Variants in DLGAP1 observed in about 807,000 individuals in gnomAD.
DLGAP1 encodes disks large-associated protein 1.
A neutral mutation model predicts 90.8 loss-of-function variants in DLGAP1; 11 were observed. That is an observed-to-expected ratio of 0.12 (90% CI 0.08 to 0.20). The LOEUF (loss-of-function observed/expected upper bound fraction) is 0.20. DLGAP1 is among the 10% of genes least tolerant of loss of function. The probability of loss-of-function intolerance (pLI) is 1.00; values close to 1 mark genes in which losing one functional copy is unlikely to be tolerated. For missense variants in DLGAP1, 1,050 were observed against 1,333.8 expected, an observed-to-expected ratio of 0.79 and a Z score of 3.31; for synonymous variants, 558 against 540.7, an observed-to-expected ratio of 1.03 and a Z score of -0.44.
At chr18:4,166,957 T>C (rs2076943679) in intron 1 of DLGAP1, among the ~76,000 whole-genome samples, 2 of 152,174 alleles carry the variant, frequency 1.3e-5, no homozygotes, top group African/African-American at 4.8e-5. Flanking sequence ...TAGATAATGT[T>C]TGCATAATAA....
intron 1 of DLGAP1, among the ~76,000 whole-genome samples, chr18:4,249,612 G>A (rs1297530482): frequency 6.6e-6 from 1 of 152,100 alleles, no homozygotes; most frequent in Non-Finnish European, 1.5e-5. Flanking sequence ...TTTTGAGACA[G>A]GGTCTCACTC....
chr18:3,943,334 G>C (rs546742184), intron 3 of DLGAP1, among the ~76,000 whole-genome samples: 1 of 152,122 alleles, frequency 6.6e-6, no homozygotes, highest in East Asian at 1.9e-4. Context: ...GCCAGGCTTT[G>C]CTGACTTATT....
intron 7 of DLGAP1, among the ~76,000 whole-genome samples, chr18:3,618,511 C>A (rs938241648): frequency 1.3e-5 from 2 of 151,010 alleles, no homozygotes; most frequent in African/African-American, 4.9e-5. Context: ...AAATAAATAA[C>A]CTGCAGGGAG....
chr18:3,903,323 A>G (rs2071825518), intron 3 of DLGAP1, among the ~76,000 whole-genome samples: 2 of 152,240 alleles, frequency 1.3e-5, no homozygotes, highest in African/African-American at 4.8e-5. Flanking sequence ...ATTAGATCAC[A>G]GAAACCTACC....
chr18:3,922,146 A>T (rs1040574191), intron 3 of DLGAP1, among the ~76,000 whole-genome samples: 9 of 152,210 alleles, frequency 5.9e-5, no homozygotes, highest in African/African-American at 2.2e-4. Context: ...CCAAAAAAGA[A>T]CATTTAATTT....
chr18:4,259,389 G>C (rs1299630063), intron 1 of DLGAP1, among the ~76,000 whole-genome samples: 2 of 152,332 alleles, frequency 1.3e-5, no homozygotes, highest in East Asian at 3.9e-4. Context: ...AATTAGACTT[G>C]TGCCTAACTC....
intron 10 of DLGAP1, among the ~76,000 whole-genome samples, chr18:3,511,783 A>G (rs1168931863): frequency 3.3e-5 from 5 of 152,168 alleles, no homozygotes; most frequent in African/African-American, 4.8e-5. Context: ...GAAGCCCTAC[A>G]GATAAAATAT....
chr18:4,342,113 A>G lies in DLGAP1; in HGVS notation c.-267+112893T>C, dbSNP rs2081203061. On this transcript the variant is annotated intron_variant, in intron 1 of 12. Transcript: ENST00000315677. This position sits in a 1 kb window ranked among gnomAD's most constrained non-coding sequence, Gnocchi z 5.8. ...AAATGTTCCTTCCCTTCCCAAATCC[A>G]TAGAATTTTAAAAGACACAAGATTC... Among the ~76,000 whole-genome samples the G allele has an allele frequency of 6.6e-6, 1 of 152,150 alleles. No individual in the cohort carries two copies. Among genetic ancestry groups the G allele is most frequent in the African/African-American group, 2.4e-5 (1 of 41,436 alleles).
intron 5 of DLGAP1, among the ~76,000 whole-genome samples, chr18:3,798,885 CTCTTT>C (rs2066147173): frequency 6.7e-6 from 1 of 148,908 alleles, no homozygotes; most frequent in Non-Finnish European, 1.5e-5. Flanking sequence ...TTCTTTCTTT[CTCTTT>C]TGAGATGGAG....
At chr18:3,546,975 A>AT (rs1491388548) in intron 9 of DLGAP1, among the ~76,000 whole-genome samples, 92 of 117,746 alleles carry the variant, frequency 7.8e-4, no homozygotes, top group African/African-American at 4.4e-3. Context: ...TAGCAGACAG[A>AT]TAAAAAAAAA....
intron 1 of DLGAP1, among the ~76,000 whole-genome samples, chr18:4,186,893 A>G (rs2077305518): frequency 6.6e-6 from 1 of 152,154 alleles, no homozygotes; most frequent in African/African-American, 2.4e-5. Flanking sequence ...CTTCCTATCC[A>G]CAAGCATGGG....
intron 1 of DLGAP1, among the ~76,000 whole-genome samples, chr18:4,195,275 CTT>C (rs770010017): frequency 1.3e-5 from 2 of 149,384 alleles, no homozygotes; most frequent in Non-Finnish European, 3.0e-5. Flanking sequence ...AGACTTTGAA[CTT>C]TTTTTTTTAA....
chr18:3,960,650 G>A (rs1342080975), intron 3 of DLGAP1, among the ~76,000 whole-genome samples: 1 of 152,226 alleles, frequency 6.6e-6, no homozygotes, highest in African/African-American at 2.4e-5. Context: ...AGACATCCGG[G>A]GTGAAGGCGA....
At chr18:3,652,207 A>AGGC (rs958118548) in intron 7 of DLGAP1, among the ~76,000 whole-genome samples, 1 of 151,950 alleles carries the variant, frequency 6.6e-6, no homozygotes, top group Non-Finnish European at 1.5e-5. Context: ...ACAATGACAA[A>AGGC]GGCAGAGTTC....
intron 1 of DLGAP1, among the ~76,000 whole-genome samples, chr18:4,336,090 T>C (rs1484745563): frequency 2.0e-5 from 3 of 152,236 alleles, no homozygotes; most frequent in Admixed American, 6.5e-5. Context: ...ACTATTAGCA[T>C]ACTGCAGTAC....
intron 7 of DLGAP1, among the ~76,000 whole-genome samples, chr18:3,682,968 T>C (rs573266369): frequency 3.3e-5 from 5 of 152,054 alleles, no homozygotes; most frequent in Admixed American, 6.6e-5. Flanking sequence ...GCAATTCTCC[T>C]GTCTCAGCCT....
intron 5 of DLGAP1, among the ~76,000 whole-genome samples, chr18:3,773,750 C>G (rs1023084117): frequency 4.6e-5 from 7 of 152,166 alleles, no homozygotes; most frequent in African/African-American, 1.7e-4. Flanking sequence ...ATTTGTAAAT[C>G]TATTTCACTG....
chr18:3,745,912 C>T (rs1265490883), intron 5 of DLGAP1, among the ~76,000 whole-genome samples: 2 of 152,250 alleles, frequency 1.3e-5, no homozygotes, highest in Middle Eastern at 3.4e-3. Context: ...TGGTCTTGAA[C>T]TCCTGACCTC....
At chr18:3,982,306 T>C (rs2073748688) in intron 3 of DLGAP1, among the ~76,000 whole-genome samples, 1 of 152,230 alleles carries the variant, frequency 6.6e-6, no homozygotes, top group African/African-American at 2.4e-5. Context: ...CTCCACGTCA[T>C]GTACATATCT....
Sources: allele counts gnomAD v4.1 joint callset (sites outside exome capture counted in the v4.1 genomes callset), GRCh38; gene constraint gnomAD v4.1.1; non-coding constraint Gnocchi (gnomAD v3.1); transcripts MANE v1.5; gene names NCBI Gene and HGNC (gene_info 2026-07-23, HGNC 2026-07-21).